The following XPO7 variants were observed in gnomAD, a reference collection of about 807,000 sequenced individuals.
The protein encoded by XPO7 is exportin-7.
XPO7 carries 21 observed loss-of-function variants against 144.3 expected under a neutral mutation model. That is an observed-to-expected ratio of 0.15 (90% CI 0.10 to 0.21). The LOEUF is 0.21. Among genes scored for constraint, XPO7 ranks in the 10% least tolerant of loss-of-function variants. The probability of loss-of-function intolerance (pLI) is 1.00; values close to 1 mark genes in which losing one functional copy is unlikely to be tolerated. For missense variants in XPO7, 808 were observed against 1,325.8 expected (o/e 0.61, Z 6.06); for synonymous variants, 580 against 499.6 (o/e 1.16, Z -2.15).
At chr8:21,966,604 T>A (rs1449899209) in intron 1 of XPO7, among the ~76,000 whole-genome samples, 1 of 149,088 alleles carries the variant, frequency 6.7e-6, no homozygotes, top group Non-Finnish European at 1.5e-5. Flanking sequence ...AAATGTATCA[T>A]GTATGATTGA....
At chr8:21,942,062 T>C (rs977673409) in intron 1 of XPO7, among the ~76,000 whole-genome samples, 1 of 152,246 alleles carries the variant, frequency 6.6e-6, no homozygotes, top group Non-Finnish European at 1.5e-5. Context: ...TATATCCTTA[T>C]AATAATTCCA....
chr8:22,003,019 C>A (rs907108405), intron 25 of XPO7, 200 bp from the exon 26 acceptor site: 92 of 417,582 alleles, frequency 2.2e-4, no homozygotes, highest in African/African-American at 1.8e-3. Flanking sequence ...ATTTTAAGAA[C>A]AAGAAAGGAA....
At chr8:21,921,533 G>C (rs1449584558) in intron 1 of XPO7, 1 of 152,094 alleles carries the variant, frequency 6.6e-6, no homozygotes, top group Non-Finnish European at 1.5e-5. Context: ...CTCTTAATGT[G>C]ATCTCCCACA....
intron 1 of XPO7, among the ~76,000 whole-genome samples, chr8:21,939,731 G>T (rs1009692764): frequency 6.6e-6 from 1 of 152,154 alleles, no homozygotes; most frequent in Non-Finnish European, 1.5e-5. Context: ...AAGATCAGAG[G>T]ATAAGTGACA....
Position 21,985,574 on chromosome 8 carries a change from C to G in XPO7, c.1472-12C>G. The stretch of plus-strand genomic sequence containing the variant: ...TCACTGGAGGTGACACTGGGTCTGT[C>G]TCCTGCTGCAGGAAGGCTGACATGG... On this transcript the variant is annotated splice_polypyrimidine_tract_variant and intron_variant, in intron 12 of 27. Transcript: ENST00000252512. 1 of 1,613,556 alleles carries G rather than the reference C, an allele frequency of 6.2e-7. No individual in the cohort carries two copies. Among genetic ancestry groups the G allele is most frequent in the Non-Finnish European group, 8.5e-7 (1 of 1,179,484 alleles).
intron 21 of XPO7, among the ~76,000 whole-genome samples, chr8:21,997,145 A>G (rs1243947606): frequency 6.6e-6 from 1 of 152,226 alleles, no homozygotes; most frequent in Non-Finnish European, 1.5e-5. Flanking sequence ...TGGAGTGGGT[A>G]ATATTTAAAG....
chr8:21,968,427 C>A (rs1336218717), intron 2 of XPO7, among the ~76,000 whole-genome samples: 1 of 152,096 alleles, frequency 6.6e-6, no homozygotes, highest in Non-Finnish European at 1.5e-5. Flanking sequence ...CTGAATGATA[C>A]AAAGTCATGG....
At chr8:21,951,776 C>G (rs1168602720) in intron 1 of XPO7, among the ~76,000 whole-genome samples, 3 of 152,164 alleles carry the variant, frequency 2.0e-5, no homozygotes, top group Non-Finnish European at 4.4e-5. Flanking sequence ...ACGTTCTCAG[C>G]CCAGTATTTT....
At chr8:21,992,914 G>A (rs1812817015) in intron 19 of XPO7, among the ~76,000 whole-genome samples, 1 of 152,162 alleles carries the variant, frequency 6.6e-6, no homozygotes, top group African/African-American at 2.4e-5. Flanking sequence ...AAGGCTGAAT[G>A]GTAGAACTAC....
chr8:21,973,054 C>T (rs896310279), intron 5 of XPO7, among the ~76,000 whole-genome samples: 1 of 152,202 alleles, frequency 6.6e-6, no homozygotes, highest in African/African-American at 2.4e-5. Flanking sequence ...GTGTTTATCC[C>T]ATTTTCTGGA....
chr8:21,932,189 T>C (rs987423834), intron 1 of XPO7, among the ~76,000 whole-genome samples: 1 of 152,208 alleles, frequency 6.6e-6, no homozygotes, highest in South Asian at 2.1e-4. Context: ...TTAAATATGC[T>C]GTTTGCCTGG....
At chr8:21,933,902 A>G (rs1167988466) in intron 1 of XPO7, among the ~76,000 whole-genome samples, 4 of 152,154 alleles carry the variant, frequency 2.6e-5, no homozygotes, top group African/African-American at 7.2e-5. Flanking sequence ...AGCTAACTGT[A>G]TATTGTTTGT....
At chr8:21,920,671 G>C (rs971937036) in intron 1 of XPO7, among the ~76,000 whole-genome samples, 1 of 152,196 alleles carries the variant, frequency 6.6e-6, no homozygotes, top group African/African-American at 2.4e-5. Context: ...GAGGACTGCA[G>C]GGTTTAATTT....
At chr8:21,978,936 G>A (rs1176997714) in intron 8 of XPO7, among the ~76,000 whole-genome samples, 2 of 152,224 alleles carry the variant, frequency 1.3e-5, no homozygotes, top group African/African-American at 2.4e-5. Context: ...CTCAACAGAG[G>A]TCAGCCTCCT....
At chr8:21,998,670 C>G in intron 21 of XPO7, 85 bp from the exon 22 acceptor site, 8 of 1,110,812 alleles carry the variant, frequency 7.2e-6, no homozygotes, top group Non-Finnish European at 1.1e-5. Flanking sequence ...CAGGATCACC[C>G]AAGGTACTCA....
intron 1 of XPO7, among the ~76,000 whole-genome samples, chr8:21,940,636 T>C (rs2117266928): frequency 6.6e-6 from 1 of 152,140 alleles, no homozygotes; most frequent in South Asian, 2.1e-4. Flanking sequence ...ACCCGCCTAA[T>C]TTTTGTATTT....
chr8:21,956,534 T>C (rs891304630), intron 1 of XPO7, among the ~76,000 whole-genome samples: 1 of 152,202 alleles, frequency 6.6e-6, no homozygotes, highest in African/African-American at 2.4e-5. Flanking sequence ...GTTCTGTCTT[T>C]CTGTAACTCC....
At position 21,977,775 on chromosome 8, in the gene XPO7, T is replaced by C; in HGVS notation, c.769T>C (p.Leu257=). Residue 257 remains leucine, a synonymous_variant, in exon 8 of 28, where the codon TTA becomes CTA. Transcript: ENST00000252512. The part of the protein sequence containing the change: ...QIPTSWRSAF[L]DSSTLQLFFD... The stretch of plus-strand genomic sequence containing the variant: ...TTTGTCTTTTTCTTCCCCAGCCTTC[T>C]TAGATTCTTCAACCTTGCAGCTGTT... 6.2e-7 allele frequency: 1 copy of C among 1,613,966 alleles called. No homozygotes were observed. The highest frequency in any genetic ancestry group is 8.5e-7 in the Non-Finnish European group (1 of 1,179,866).
chr8:21,962,283 A>C (rs1414500879), intron 1 of XPO7, among the ~76,000 whole-genome samples: 1 of 152,232 alleles, frequency 6.6e-6, no homozygotes. Flanking sequence ...CTTTCATATA[A>C]ATTTATAAAC....
Sources: gnomAD v4.1 joint callset for allele counts (sites outside exome capture counted in the v4.1 genomes callset) on GRCh38, gnomAD v4.1.1 for gene constraint, MANE v1.5 for transcripts, NCBI Gene and HGNC (gene_info 2026-07-23, HGNC 2026-07-21) for gene names.